C3orf80: variants seen among roughly 807,000 people sequenced by gnomAD.
C3orf80 encodes the protein uncharacterized membrane protein C3orf80.
C3orf80 carries 10 observed loss-of-function variants against 15.8 expected under a neutral mutation model. The ratio of observed to expected loss-of-function variants is 0.63; its 90% CI spans 0.39 to 1.07. The LOEUF (loss-of-function observed/expected upper bound fraction) is 1.07. C3orf80 is among the 50% of genes least tolerant of loss of function. C3orf80 has a pLI of 0.01. For synonymous variants in C3orf80, 183 were observed against 192.0 expected (o/e 0.95, Z 0.39); for missense variants, 364 against 379.3 (o/e 0.96, Z 0.34).
rs1002232580 is a variant in C3orf80, at chr3:160,225,665, C to T, written c.30C>T (p.Gly10=). The change falls in exon 1 of 1, where the codon GGC becomes GGT. Residue 10 remains glycine (G), a synonymous_variant. Coordinates refer to ENST00000326474, the MANE Select transcript of C3orf80 (RefSeq NM_001168214.2). This position sits in a 1 kb window ranked among gnomAD's most constrained non-coding sequence, Gnocchi z 5.6. MWGPGVTAE[G]LSVAPAPPPL... ...GGGGACCCGGGGTCACTGCTGAGGG[C>T]CTGTCGGTGGCTCCGGCGCCGCCGC... is the stretch of plus-strand genomic sequence containing the variant. The T allele has an allele frequency of 9.3e-6, 13 of 1,397,208 alleles. No homozygotes were observed. Among genetic ancestry groups the T allele is most frequent in the African/African-American group, 1.5e-5 (1 of 66,156 alleles). The allele number at this position is 1,397,208 out of a possible 1,614,324, so 86.6% of individuals were successfully genotyped here.
At position 160,226,629 on chromosome 3, in the gene C3orf80, G is replaced by C; in HGVS notation, c.*250G>C. On this transcript the variant is annotated 3_prime_UTR_variant, in exon 1 of 1. Transcript: ENST00000326474. The surrounding 1 kb of genome is among the most constrained non-coding windows in gnomAD (Gnocchi z 5.2). The stretch of plus-strand genomic sequence containing the variant: ...CGGCTGCAGCAGGCGACCCTCCAGC[G>C]CACCTTCGAAGGACGTCCCTGCCCT... 2.2e-6 allele frequency: 1 copy of C among 454,008 alleles called. No individual in the cohort carries two copies. The highest frequency in any genetic ancestry group is 4.7e-5 in the South Asian group (1 of 21,460). The allele number at this position is 454,008 out of a possible 1,614,324, so 28.1% of individuals were successfully genotyped here.
rs1204488756 is a variant in C3orf80, at chr3:160,227,920, C to A, written c.*1541C>A. 6.6e-6 allele frequency: 1 copy of A among 152,140 alleles called. No homozygotes were observed. Among genetic ancestry groups the A allele is most frequent in the East Asian group, 1.9e-4 (1 of 5,194 alleles). The allele number at this position is 152,140 out of a possible 1,614,324, so 9.4% of individuals were successfully genotyped here. A position where few individuals can be genotyped will look rare whatever the true frequency, so the allele number is the denominator to read the frequency against. On this transcript the variant is annotated 3_prime_UTR_variant, in exon 1 of 1. Coordinates refer to ENST00000326474, the MANE Select transcript of C3orf80 (RefSeq NM_001168214.2). Reference sequence around the variant, plus strand: ...TGTTGTTATATCAAGAACGATTACACACATGGATCTCATACATGTTTTTAG... The same window carrying A: ...TGTTGTTATATCAAGAACGATTACAAACATGGATCTCATACATGTTTTTAG...
At position 160,227,006 on chromosome 3, in the gene C3orf80, G is replaced by A. The variant is rs1464420706; in HGVS notation, c.*627G>A. On this transcript the variant is annotated 3_prime_UTR_variant, in exon 1 of 1. Coordinates refer to ENST00000326474, the MANE Select transcript of C3orf80 (RefSeq NM_001168214.2). ...GGTGTTTCACAATTAGGTGGAGTGCGGGGAGTGGGCTAGGGGGGACACCTG... is the reference window on the plus strand; with the variant it reads ...GGTGTTTCACAATTAGGTGGAGTGCAGGGAGTGGGCTAGGGGGGACACCTG... The A allele has an allele frequency of 1.3e-5, 2 of 152,244 alleles. No individual in the cohort carries two copies. The highest frequency in any genetic ancestry group is 1.9e-4 in the East Asian group (1 of 5,194). The allele number at this position is 152,244 out of a possible 1,614,324, so 9.4% of individuals were successfully genotyped here. A position where few individuals can be genotyped will look rare whatever the true frequency, so the allele number is the denominator to read the frequency against.
Position 160,225,661 on chromosome 3 carries a change from A to T in C3orf80, c.26A>T (p.Glu9Val). The T allele has an allele frequency of 7.2e-7, 1 of 1,395,690 alleles. No individual in the cohort carries two copies. Among genetic ancestry groups the T allele is most frequent in the South Asian group, 1.6e-5 (1 of 62,672 alleles). The allele number at this position is 1,395,690 out of a possible 1,614,324, so 86.5% of individuals were successfully genotyped here. A position where few individuals can be genotyped will look rare whatever the true frequency, so the allele number is the denominator to read the frequency against. MWGPGVTAEGLSVAPAPPP... is the reference protein window; with the variant it reads MWGPGVTAVGLSVAPAPPP... ...ATGTGGGGACCCGGGGTCACTGCTG[A>T]GGGCCTGTCGGTGGCTCCGGCGCCG... Residue 9 changes from glutamate to valine, a missense_variant, in exon 1 of 1, where the codon GAG (glutamate) becomes GTG (valine). Physicochemically the swap from Glu to Val is moderately radical, Grantham distance 121. Coordinates refer to ENST00000326474, the MANE Select transcript of C3orf80 (RefSeq NM_001168214.2). This position sits in a 1 kb window ranked among gnomAD's most constrained non-coding sequence, Gnocchi z 5.6.
chr3:160,225,698 G>A lies in C3orf80; in HGVS notation c.63G>A (p.Leu21=), dbSNP rs1336010583. The change falls in exon 1 of 1, where the codon CTG becomes CTA. Residue 21 remains leucine, a synonymous_variant. Transcript: ENST00000326474. This position sits in a 1 kb window ranked among gnomAD's most constrained non-coding sequence, Gnocchi z 5.6. The stretch of plus-strand genomic sequence containing the variant: ...TGGCTCCGGCGCCGCCGCCTCTGCT[G>A]CCGCTGCTGCTACTGCTGGCGCTGG... ...LSVAPAPPPL[L]PLLLLLALAL... 4 of 1,390,430 alleles carry A rather than the reference G, an allele frequency of 2.9e-6. No homozygotes were observed. The African/African-American group carries it at 4.5e-5, about 16-fold the overall frequency. 86.1% of individuals were successfully genotyped at this position (1,390,430 alleles called of 1,614,324 possible). A position where few individuals can be genotyped will look rare whatever the true frequency, so the allele number is the denominator to read the frequency against.
At position 160,225,789 on chromosome 3, in the gene C3orf80, T is replaced by C. The variant is rs774658584; in HGVS notation, c.154T>C (p.Cys52Arg). 4.4e-4 allele frequency: 650 copies of C among 1,465,342 alleles called. 6 individuals are homozygous for C. Among genetic ancestry groups the C allele is most frequent in the Non-Finnish European group, 3.2e-5 (36 of 1,113,182 alleles). 90.8% of individuals were successfully genotyped at this position (1,465,342 alleles called of 1,614,324 possible). A position where few individuals can be genotyped will look rare whatever the true frequency, so the allele number is the denominator to read the frequency against. Residue 52 changes from cysteine to arginine, a missense_variant, in exon 1 of 1, where the codon TGC becomes CGC. Coordinates refer to ENST00000326474, the MANE Select transcript of C3orf80 (RefSeq NM_001168214.2). The surrounding 1 kb of genome is among the most constrained non-coding windows in gnomAD (Gnocchi z 5.6). ...GCTGGCGTGCGGCGAGCGGGAGCGC[T>C]GCTGCGACGCGACCAACGCCACGGC... is the stretch of plus-strand genomic sequence containing the variant. ...AELACGERERCCDATNATAVR... is the reference protein window; with the variant it reads ...AELACGERERRCDATNATAVR...
At position 160,225,915 on chromosome 3, in the gene C3orf80, A is replaced by G. The variant is rs1188686337; in HGVS notation, c.280A>G (p.Ile94Val). The change falls in exon 1 of 1, where the codon ATC (isoleucine) becomes GTC (valine). Residue 94 changes from isoleucine (I) to valine (V), a missense_variant. Transcript: ENST00000326474. This position sits in a 1 kb window ranked among gnomAD's most constrained non-coding sequence, Gnocchi z 5.6. ...GCTCATCCTGCTGGTGCTCTTCGCC[A>G]TCGGCTATTTCCTGCAGCGCATCAT... Reference protein sequence around the residue: ...GLLILLVLFAIGYFLQRIICP... With the variant: ...GLLILLVLFAVGYFLQRIICP... The G allele has an allele frequency of 9.5e-6, 14 of 1,472,874 alleles. No homozygotes were observed. The highest frequency in any genetic ancestry group is 1.3e-5 in the Non-Finnish European group (14 of 1,115,596). The allele number at this position is 1,472,874 out of a possible 1,614,324, so 91.2% of individuals were successfully genotyped here.
chr3:160,226,155 G>C lies in C3orf80; in HGVS notation c.520G>C (p.Asp174His). The C allele has an allele frequency of 6.6e-7, 1 of 1,524,118 alleles. No homozygotes were observed. Among genetic ancestry groups the C allele is most frequent in the Non-Finnish European group, 8.8e-7 (1 of 1,142,066 alleles). 94.4% of individuals were successfully genotyped at this position (1,524,118 alleles called of 1,614,324 possible). Reference sequence around the variant, plus strand: ...GGGCCGGGGAGGCGGCGGGCGCTCGGACCCCTCCTGCGCCTCAGAGCACGA... The same window carrying C: ...GGGCCGGGGAGGCGGCGGGCGCTCGCACCCCTCCTGCGCCTCAGAGCACGA... ...GRGRGGGGRS[D>H]PSCASEHEMR... The change falls in exon 1 of 1, where the codon GAC becomes CAC. Residue 174 changes from aspartate (D) to histidine (H), a missense_variant. Physicochemically the swap from Asp to His is moderately conservative, Grantham distance 81. Coordinates refer to ENST00000326474, the MANE Select transcript of C3orf80 (RefSeq NM_001168214.2). The surrounding 1 kb of genome is among the most constrained non-coding windows in gnomAD (Gnocchi z 5.2).
Position 160,226,382 on chromosome 3 carries a change from G to T in C3orf80, c.*3G>T. The T allele has an allele frequency of 7.0e-7, 1 of 1,438,374 alleles. No individual in the cohort carries two copies. Among genetic ancestry groups the T allele is most frequent in the Non-Finnish European group, 9.1e-7 (1 of 1,100,518 alleles). The allele number at this position is 1,438,374 out of a possible 1,614,324, so 89.1% of individuals were successfully genotyped here. ...AGGGCCGCTACCCTCTTATCTGAGCGCTCGGGGATCGGCGGCTGGTGCAGG... is the reference window on the plus strand; with the variant it reads ...AGGGCCGCTACCCTCTTATCTGAGCTCTCGGGGATCGGCGGCTGGTGCAGG... On this transcript the variant is annotated 3_prime_UTR_variant, in exon 1 of 1. Coordinates refer to ENST00000326474, the MANE Select transcript of C3orf80 (RefSeq NM_001168214.2). The surrounding 1 kb of genome is among the most constrained non-coding windows in gnomAD (Gnocchi z 5.2).
In C3orf80 at chr3:160,227,938, GT is replaced by G. The variant is rs1231351803; in HGVS notation, c.*1564del. 6.6e-6 allele frequency: 1 copy of G among 152,116 alleles called. No individual in the cohort carries two copies. Among genetic ancestry groups the G allele is most frequent in the Admixed American group, 6.5e-5 (1 of 15,270 alleles). 9.4% of individuals were successfully genotyped at this position (152,116 alleles called of 1,614,324 possible). A position where few individuals can be genotyped will look rare whatever the true frequency, so the allele number is the denominator to read the frequency against. ...GATTACACACATGGATCTCATACAT[GT>G]TTTTAGAACATTGTTCTTCTGATTG... On this transcript the variant is annotated 3_prime_UTR_variant, in exon 1 of 1. Coordinates refer to ENST00000326474, the MANE Select transcript of C3orf80 (RefSeq NM_001168214.2).
Position 160,226,290 on chromosome 3 carries a change from G to T in C3orf80, c.655G>T (p.Val219Phe). 1 of 1,518,922 alleles carries T rather than the reference G, an allele frequency of 6.6e-7. No homozygotes were observed. Among genetic ancestry groups the T allele is most frequent in the Non-Finnish European group, 8.8e-7 (1 of 1,138,832 alleles). The allele number at this position is 1,518,922 out of a possible 1,614,324, so 94.1% of individuals were successfully genotyped here. A position where few individuals can be genotyped will look rare whatever the true frequency, so the allele number is the denominator to read the frequency against. Residue 219 changes from valine (V) to phenylalanine (F), a missense_variant, in exon 1 of 1, where the codon GTC (valine) becomes TTC (phenylalanine). Physicochemically the swap from Val to Phe is conservative, Grantham distance 50 (BLOSUM62 -1). Transcript: ENST00000326474. The surrounding 1 kb of genome is among the most constrained non-coding windows in gnomAD (Gnocchi z 5.2). The stretch of plus-strand genomic sequence containing the variant: ...GCTGCAGCAGCTCAGCCCCGGGGAG[G>T]TCGTGCTGCCAGTGTCGGTGCTTGG... ...MRLQQLSPGE[V>F]VLPVSVLGRP...
Position 160,226,235 on chromosome 3 carries a change from G to A in C3orf80, c.600G>A (p.Lys200=). 1 of 1,531,536 alleles carries A rather than the reference G, an allele frequency of 6.5e-7. No homozygotes were observed. Among genetic ancestry groups the A allele is most frequent in the Non-Finnish European group, 8.7e-7 (1 of 1,144,822 alleles). The allele number at this position is 1,531,536 out of a possible 1,614,324, so 94.9% of individuals were successfully genotyped here. ...FLQLPSYEEV[K]YLPTYEESMR... ...AGCTGCCCAGCTACGAGGAGGTCAA[G>A]TATCTGCCCACCTACGAGGAGTCCA... The change falls in exon 1 of 1, where the codon AAG becomes AAA. Residue 200 remains lysine, a synonymous_variant. Coordinates refer to ENST00000326474, the MANE Select transcript of C3orf80 (RefSeq NM_001168214.2). The surrounding 1 kb of genome is among the most constrained non-coding windows in gnomAD (Gnocchi z 5.2).
Position 160,226,046 on chromosome 3 carries a change from C to T in C3orf80, c.411C>T (p.Asp137=). 1 of 1,408,502 alleles carries T rather than the reference C, an allele frequency of 7.1e-7. No homozygotes were observed. The highest frequency in any genetic ancestry group is 9.2e-7 in the Non-Finnish European group (1 of 1,085,214). The allele number at this position is 1,408,502 out of a possible 1,614,324, so 87.3% of individuals were successfully genotyped here. A position where few individuals can be genotyped will look rare whatever the true frequency, so the allele number is the denominator to read the frequency against. Residue 137 remains aspartate (D), a synonymous_variant, in exon 1 of 1, where the codon GAC becomes GAT. Transcript: ENST00000326474. This position sits in a 1 kb window ranked among gnomAD's most constrained non-coding sequence, Gnocchi z 5.2. ...GPLGGAGPPD[D]DDDSPALLRD... ...TGGGGGGCGCGGGGCCGCCCGACGA[C>T]GACGACGACTCGCCCGCTCTGCTGC... is the stretch of plus-strand genomic sequence containing the variant.
At position 160,226,134 on chromosome 3, in the gene C3orf80, C is replaced by G; in HGVS notation, c.499C>G (p.Arg167Gly). 13 of 1,519,636 alleles carry G rather than the reference C, an allele frequency of 8.6e-6. No homozygotes were observed. Among genetic ancestry groups the G allele is most frequent in the Non-Finnish European group, 1.1e-5 (13 of 1,140,178 alleles). The allele number at this position is 1,519,636 out of a possible 1,614,324, so 94.1% of individuals were successfully genotyped here. ...GGACAGTGGCGGCGGCGGCCGGGGC[C>G]GGGGAGGCGGCGGGCGCTCGGACCC... ...LLDSGGGGRG[R>G]GGGGRSDPSC... Residue 167 changes from arginine (R) to glycine (G), a missense_variant, in exon 1 of 1, where the codon CGG becomes GGG. Physicochemically the swap from Arg to Gly is moderately radical, Grantham distance 125. Coordinates refer to ENST00000326474, the MANE Select transcript of C3orf80 (RefSeq NM_001168214.2). The surrounding 1 kb of genome is among the most constrained non-coding windows in gnomAD (Gnocchi z 5.2).
rs1711500100 is a variant in C3orf80, at chr3:160,226,433, C to T, written c.*54C>T. ...GCTGGGGGCTGCGGGTGGCAAGCAACGGCCGGGGTGCCGCCGCCAACTGCC... is the reference window on the plus strand; with the variant it reads ...GCTGGGGGCTGCGGGTGGCAAGCAATGGCCGGGGTGCCGCCGCCAACTGCC... On this transcript the variant is annotated 3_prime_UTR_variant, in exon 1 of 1. Transcript: ENST00000326474. The surrounding 1 kb of genome is among the most constrained non-coding windows in gnomAD (Gnocchi z 5.2). 3 of 1,379,262 alleles carry T rather than the reference C, an allele frequency of 2.2e-6. No individual in the cohort carries two copies. The highest frequency in any genetic ancestry group is 3.0e-5 in the East Asian group (1 of 32,964). The allele number at this position is 1,379,262 out of a possible 1,614,324, so 85.4% of individuals were successfully genotyped here. A position where few individuals can be genotyped will look rare whatever the true frequency, so the allele number is the denominator to read the frequency against.
rs1576693398 is a variant in C3orf80, at chr3:160,227,003, T to C, written c.*624T>C. On this transcript the variant is annotated 3_prime_UTR_variant, in exon 1 of 1. Transcript: ENST00000326474. The stretch of plus-strand genomic sequence containing the variant: ...GCTGGTGTTTCACAATTAGGTGGAG[T>C]GCGGGGAGTGGGCTAGGGGGGACAC... 1 of 152,122 alleles carries C rather than the reference T, an allele frequency of 6.6e-6. No individual in the cohort carries two copies. Among genetic ancestry groups the C allele is most frequent in the Admixed American group, 6.6e-5 (1 of 15,266 alleles). 9.4% of individuals were successfully genotyped at this position (152,122 alleles called of 1,614,324 possible).
chr3:160,226,507 G>T lies in C3orf80; in HGVS notation c.*128G>T. 1 of 1,005,968 alleles carries T rather than the reference G, an allele frequency of 9.9e-7. No homozygotes were observed. Among genetic ancestry groups the T allele is most frequent in the Non-Finnish European group, 1.3e-6 (1 of 746,092 alleles). 62.3% of individuals were successfully genotyped at this position (1,005,968 alleles called of 1,614,324 possible). The stretch of plus-strand genomic sequence containing the variant: ...CCTAACTGCCCGGCACCCCGCGACT[G>T]GGTTGGGGTCACTCGTCTCCCTCGC... On this transcript the variant is annotated 3_prime_UTR_variant, in exon 1 of 1. Coordinates refer to ENST00000326474, the MANE Select transcript of C3orf80 (RefSeq NM_001168214.2). This position sits in a 1 kb window ranked among gnomAD's most constrained non-coding sequence, Gnocchi z 5.2.
Position 160,225,805 on chromosome 3 carries a change from A to C in C3orf80, c.170A>C (p.Asn57Thr). The C allele has an allele frequency of 6.8e-7, 1 of 1,473,082 alleles. No homozygotes were observed. Among genetic ancestry groups the C allele is most frequent in the Non-Finnish European group, 9.0e-7 (1 of 1,116,868 alleles). The allele number at this position is 1,473,082 out of a possible 1,614,324, so 91.3% of individuals were successfully genotyped here. Residue 57 changes from asparagine (N) to threonine (T), a missense_variant, in exon 1 of 1, where the codon AAC becomes ACC. Coordinates refer to ENST00000326474, the MANE Select transcript of C3orf80 (RefSeq NM_001168214.2). This position sits in a 1 kb window ranked among gnomAD's most constrained non-coding sequence, Gnocchi z 5.6. Reference sequence around the variant, plus strand: ...CGGGAGCGCTGCTGCGACGCGACCAACGCCACGGCGGTGCGCTGCTGCAAG... The same window carrying C: ...CGGGAGCGCTGCTGCGACGCGACCACCGCCACGGCGGTGCGCTGCTGCAAG... ...GERERCCDAT[N>T]ATAVRCCKLP... is the part of the protein sequence containing the mutation.
At position 160,226,257 on chromosome 3, in the gene C3orf80, T is replaced by C; in HGVS notation, c.622T>C (p.Ser208Pro). 4 of 1,522,446 alleles carry C rather than the reference T, an allele frequency of 2.6e-6. No individual in the cohort carries two copies. Among genetic ancestry groups the C allele is most frequent in the Non-Finnish European group, 3.5e-6 (4 of 1,140,622 alleles). 94.3% of individuals were successfully genotyped at this position (1,522,446 alleles called of 1,614,324 possible). The change falls in exon 1 of 1, where the codon TCC becomes CCC. Residue 208 changes from serine (S) to proline (P), a missense_variant. By Grantham distance (74) the Ser-to-Pro change is moderately conservative. Coordinates refer to ENST00000326474, the MANE Select transcript of C3orf80 (RefSeq NM_001168214.2). The surrounding 1 kb of genome is among the most constrained non-coding windows in gnomAD (Gnocchi z 5.2). ...EVKYLPTYEE[S>P]MRLQQLSPGE... ...CAAGTATCTGCCCACCTACGAGGAG[T>C]CCATGCGGCTGCAGCAGCTCAGCCC...
Sources: allele counts gnomAD v4.1 joint callset, GRCh38; gene constraint gnomAD v4.1.1; non-coding constraint Gnocchi (gnomAD v3.1); transcripts MANE v1.5; gene names NCBI Gene and HGNC (gene_info 2026-07-23, HGNC 2026-07-21).